Variants in ARFIP2 observed in about 807,000 individuals in gnomAD.
The protein encoded by ARFIP2 is arfaptin-2.
A neutral mutation model predicts 39.2 loss-of-function variants in ARFIP2; 14 were observed. That is an observed-to-expected ratio of 0.36 (90% CI 0.24 to 0.56). The LOEUF is 0.56. ARFIP2 is among the 20% of genes least tolerant of loss of function. ARFIP2 has a pLI of 0.85. For synonymous variants in ARFIP2, 167 were observed against 172.4 expected, an observed-to-expected ratio of 0.97 and a Z score of 0.24; for missense variants, 305 against 422.5, an observed-to-expected ratio of 0.72 and a Z score of 2.44.
chr11:6,477,407 A>AG lies in ARFIP2; in HGVS notation c.871-140dup. On this transcript the variant is annotated intron_variant, in intron 7 of 7. Coordinates refer to ENST00000396777, the MANE Select transcript of ARFIP2 (RefSeq NM_001376558.2). The surrounding 1 kb of genome is among the most constrained non-coding windows in gnomAD (Gnocchi z 4.8). ...TTGGGGTAGGGGCTGAACTCTACCC[A>AG]GGGAGTCAAAGGAGAAGGGTCAGTA... 9.8e-7 allele frequency: 1 copy of AG among 1,017,640 alleles called. No individual in the cohort carries two copies. The highest frequency in any genetic ancestry group is 1.4e-6 in the Non-Finnish European group (1 of 715,206). The allele number at this position is 1,017,640 out of a possible 1,614,324, so 63.0% of individuals were successfully genotyped here. A position where few individuals can be genotyped will look rare whatever the true frequency, so the allele number is the denominator to read the frequency against.
Position 6,478,182 on chromosome 11 carries a change from T to C in ARFIP2, c.554A>G (p.Asn185Ser), listed in dbSNP as rs754427461. 1 of 1,614,056 alleles carries C rather than the reference T, an allele frequency of 6.2e-7. No individual in the cohort carries two copies. Among genetic ancestry groups the C allele is most frequent in the Non-Finnish European group, 8.5e-7 (1 of 1,179,978 alleles). ...GCATAGTAGTTTCTGTGTCTCTGCA[T>C]TGTAGCCAAATTCCTCCTGAGGGCA... Reference protein sequence around the residue: ...SPELQEEFGYNAETQKLLCKN... With the variant: ...SPELQEEFGYSAETQKLLCKN... Residue 185 changes from asparagine to serine, a missense_variant, in exon 6 of 8, where the codon AAT (asparagine) becomes AGT (serine). Transcript: ENST00000396777. This position sits in a 1 kb window ranked among gnomAD's most constrained non-coding sequence, Gnocchi z 4.8.
In ARFIP2 at chr11:6,481,232, T is replaced by A. The variant is rs1249353326; in HGVS notation, c.-44A>T. 2 of 581,812 alleles carry A rather than the reference T, an allele frequency of 3.4e-6. No homozygotes were observed. The highest frequency in any genetic ancestry group is 6.1e-6 in the Non-Finnish European group (2 of 327,852). 36.0% of individuals were successfully genotyped at this position (581,812 alleles called of 1,614,324 possible). On this transcript the variant is annotated splice_region_variant and 5_prime_UTR_variant, in exon 1 of 8. Coordinates refer to ENST00000396777, the MANE Select transcript of ARFIP2 (RefSeq NM_001376558.2). ...GTCGCCCAAGCATGTTCCTCTCACC[T>A]CGGGCCGGGCCGCTCTTCCCCTCAG...
Position 6,477,347 on chromosome 11 carries a change from A to G in ARFIP2, c.871-79T>C. On this transcript the variant is annotated intron_variant, in intron 7 of 7. Coordinates refer to ENST00000396777, the MANE Select transcript of ARFIP2 (RefSeq NM_001376558.2). This position sits in a 1 kb window ranked among gnomAD's most constrained non-coding sequence, Gnocchi z 4.8. ...TCTATGAGCCTGAGCCCAGGCACAGACCAGGGGCACAAGGACTCTGCTCTG... is the reference window on the plus strand; with the variant it reads ...TCTATGAGCCTGAGCCCAGGCACAGGCCAGGGGCACAAGGACTCTGCTCTG... 2 of 1,498,766 alleles carry G rather than the reference A, an allele frequency of 1.3e-6. No homozygotes were observed. The highest frequency in any genetic ancestry group is 1.8e-6 in the Non-Finnish European group (2 of 1,113,798). The allele number at this position is 1,498,766 out of a possible 1,614,324, so 92.8% of individuals were successfully genotyped here.
rs1231585397 is a variant in ARFIP2 at position 6,478,327 on chromosome 11, C to T, written c.538-129G>A. 8.2e-7 allele frequency: 1 copy of T among 1,219,396 alleles called. No individual in the cohort carries two copies. The highest frequency in any genetic ancestry group is 1.2e-6 in the Non-Finnish European group (1 of 866,406). The allele number at this position is 1,219,396 out of a possible 1,614,324, so 75.5% of individuals were successfully genotyped here. A position where few individuals can be genotyped will look rare whatever the true frequency, so the allele number is the denominator to read the frequency against. The stretch of plus-strand genomic sequence containing the variant: ...AACTGGAACAACCAAGGACTGCCTC[C>T]AGCAAGGCTCTCTTAGCCGGAAAGT... On this transcript the variant is annotated intron_variant, in intron 5 of 7. Transcript: ENST00000396777. The surrounding 1 kb of genome is among the most constrained non-coding windows in gnomAD (Gnocchi z 4.8).
At position 6,477,230 on chromosome 11, in the gene ARFIP2, A is replaced by C; in HGVS notation, c.909T>G (p.Asn303Lys). Residue 303 changes from asparagine to lysine, a missense_variant, in exon 8 of 8, where the codon AAT (asparagine) becomes AAG (lysine). Physicochemically the swap from Asn to Lys is moderately conservative, Grantham distance 94. Transcript: ENST00000396777. The surrounding 1 kb of genome is among the most constrained non-coding windows in gnomAD (Gnocchi z 4.8). ...TCCCAGCAAAGTAGGCGGACACAGC[A>C]TTGTGGAAGAGCAGCAGCTGCTTGT... ...VMHKQLLLFH[N>K]AVSAYFAGNQ... 6.2e-7 allele frequency: 1 copy of C among 1,613,702 alleles called. No homozygotes were observed. The highest frequency in any genetic ancestry group is 1.1e-5 in the South Asian group (1 of 90,904).
Position 6,480,081 on chromosome 11 carries a change from G to A in ARFIP2, c.100-13C>T. ...CCTGCTGGAGGTCCTATAGGCCAGA[G>A]AAGAGGGGTTGCTTCAGGAACATAG... is the stretch of plus-strand genomic sequence containing the variant. On this transcript the variant is annotated splice_polypyrimidine_tract_variant and intron_variant, in intron 2 of 7. Coordinates refer to ENST00000396777, the MANE Select transcript of ARFIP2 (RefSeq NM_001376558.2). 1 of 1,609,010 alleles carries A rather than the reference G, an allele frequency of 6.2e-7. No homozygotes were observed.
At chr11:6,479,768 T>C (rs1851519124) in intron 3 of ARFIP2, 1 of 592,966 alleles carries the variant, frequency 1.7e-6, no homozygotes, top group Admixed American at 3.3e-5. Flanking sequence ...AAATGAGCCA[T>C]TTCAGGGGCT....
At chr11:6,479,807 C>T (rs987312446) in intron 3 of ARFIP2, 165 bp downstream of exon 3, 21 of 686,960 alleles carry the variant, frequency 3.1e-5, no homozygotes, top group Non-Finnish European at 4.3e-5. Flanking sequence ...GGATGGACAA[C>T]GCTGGGAGTT....
At position 6,477,800 on chromosome 11, in the gene ARFIP2, G is replaced by A; in HGVS notation, c.788C>T (p.Ala263Val). The change falls in exon 7 of 8, where the codon GCC (alanine) becomes GTC (valine). Residue 263 changes from alanine to valine, a missense_variant. By Grantham distance (64) the Ala-to-Val change is moderately conservative. Around this residue, in one of 3 missense-constraint regions of ARFIP2, gnomAD observed 112 missense variants for 118.2 expected, o/e 0.95. Coordinates refer to ENST00000396777, the MANE Select transcript of ARFIP2 (RefSeq NM_001376558.2). This position sits in a 1 kb window ranked among gnomAD's most constrained non-coding sequence, Gnocchi z 4.8. ...CTTGTCCCGATGGGCCTGGAAAGTG[G>A]CCTGGGCACTCTCAAGTCGACCACG... Reference protein sequence around the residue: ...GTRGRLESAQATFQAHRDKYE... With the variant: ...GTRGRLESAQVTFQAHRDKYE... The A allele has an allele frequency of 6.2e-7, 1 of 1,613,980 alleles. No homozygotes were observed. The highest frequency in any genetic ancestry group is 8.5e-7 in the Non-Finnish European group (1 of 1,179,980).
rs1851189272 is a variant in ARFIP2, at chr11:6,477,333, G to A, written c.871-65C>T. On this transcript the variant is annotated intron_variant, in intron 7 of 7. Coordinates refer to ENST00000396777, the MANE Select transcript of ARFIP2 (RefSeq NM_001376558.2). This position sits in a 1 kb window ranked among gnomAD's most constrained non-coding sequence, Gnocchi z 4.8. Reference sequence around the variant, plus strand: ...GCCCTTCTTGAGGGTCTATGAGCCTGAGCCCAGGCACAGACCAGGGGCACA... The same window carrying A: ...GCCCTTCTTGAGGGTCTATGAGCCTAAGCCCAGGCACAGACCAGGGGCACA... 3 of 1,551,064 alleles carry A rather than the reference G, an allele frequency of 1.9e-6. No homozygotes were observed. The highest frequency in any genetic ancestry group is 2.6e-6 in the Non-Finnish European group (3 of 1,147,076).
Position 6,481,269 on chromosome 11 carries a change from C to A in ARFIP2, c.-81G>T. On this transcript the variant is annotated 5_prime_UTR_variant, in exon 1 of 8. Coordinates refer to ENST00000396777, the MANE Select transcript of ARFIP2 (RefSeq NM_001376558.2). Reference sequence around the variant, plus strand: ...GCTCTTCCCCTCAGGGCGCCAGGCCCGGGCCGCGCGGGGACCTCGGGCTCC... The same window carrying A: ...GCTCTTCCCCTCAGGGCGCCAGGCCAGGGCCGCGCGGGGACCTCGGGCTCC... 1 of 620,784 alleles carries A rather than the reference C, an allele frequency of 1.6e-6. No individual in the cohort carries two copies. The highest frequency in any genetic ancestry group is 2.8e-6 in the Non-Finnish European group (1 of 357,450). 38.5% of individuals were successfully genotyped at this position (620,784 alleles called of 1,614,324 possible).
rs969182702 is a variant in ARFIP2 at position 6,476,979 on chromosome 11, T to C, written c.*134A>G. 2 of 1,071,728 alleles carry C rather than the reference T, an allele frequency of 1.9e-6. No homozygotes were observed. The highest frequency in any genetic ancestry group is 1.6e-5 in the African/African-American group (1 of 62,548). The allele number at this position is 1,071,728 out of a possible 1,614,324, so 66.4% of individuals were successfully genotyped here. On this transcript the variant is annotated 3_prime_UTR_variant, in exon 8 of 8. Transcript: ENST00000396777. ...ACCATAGCAATGTGGGCAAAACTGG[T>C]GTCAGGCCCCAGCCAGAAAAAGGAG...
At chr11:6,481,138 T>G in intron 1 of ARFIP2, 93 bp downstream of exon 1, 6 of 382,550 alleles carry the variant, frequency 1.6e-5, no homozygotes, top group Non-Finnish European at 2.4e-5. Context: ...GGACATCAGG[T>G]GTGTCCTCAT....
Position 6,478,260 on chromosome 11 carries a change from G to A in ARFIP2, c.538-62C>T, listed in dbSNP as rs550690993. ...CTCCCTACCTGACTGAAGCTGTAGAGCCCTTCATTCCCCTCCTCCCCGGGG... is the reference window on the plus strand; with the variant it reads ...CTCCCTACCTGACTGAAGCTGTAGAACCCTTCATTCCCCTCCTCCCCGGGG... On this transcript the variant is annotated intron_variant, in intron 5 of 7. Transcript: ENST00000396777. The surrounding 1 kb of genome is among the most constrained non-coding windows in gnomAD (Gnocchi z 4.8). 447 of 1,586,376 alleles carry A rather than the reference G, an allele frequency of 2.8e-4. No homozygotes were observed. Among genetic ancestry groups the A allele is most frequent in the Non-Finnish European group, 3.7e-4 (432 of 1,158,848 alleles).
At chr11:6,480,212 T>C in intron 2 of ARFIP2, 111 bp downstream of exon 2, 1 of 1,289,256 alleles carries the variant, frequency 7.8e-7, no homozygotes, top group South Asian at 1.2e-5. Flanking sequence ...GTAAAAAGAA[T>C]GAAGGGAGTC....
rs1456779149 is a variant in ARFIP2, at chr11:6,478,804, C to T, written c.471G>A (p.Leu157=). Residue 157 remains leucine (L), a synonymous_variant, in exon 5 of 8, where the codon CTG becomes CTA. Transcript: ENST00000396777. This position sits in a 1 kb window ranked among gnomAD's most constrained non-coding sequence, Gnocchi z 4.8. The part of the protein sequence containing the change: ...GRALTAHLYS[L]LQTQHALGDA... ...CACCCAGTGCATGCTGGGTCTGCAG[C>T]AGGCTGTAGAGGTGGGCTGTCAGTG... The T allele has an allele frequency of 3.1e-6, 5 of 1,614,026 alleles. No individual in the cohort carries two copies. The highest frequency in any genetic ancestry group is 4.2e-6 in the Non-Finnish European group (5 of 1,179,996).
rs955116813 is a variant in ARFIP2, at chr11:6,478,546, C to A, written c.537+192G>T. 2.1e-6 allele frequency: 3 copies of A among 1,431,258 alleles called. No individual in the cohort carries two copies. Among genetic ancestry groups the A allele is most frequent in the African/African-American group, 1.4e-5 (1 of 69,512 alleles). The allele number at this position is 1,431,258 out of a possible 1,614,324, so 88.7% of individuals were successfully genotyped here. The stretch of plus-strand genomic sequence containing the variant: ...GAGGCACCTAGTGTGCCCCCTCCCC[C>A]ACCCCCTCCAACTTCTGGACCTCTG... On this transcript the variant is annotated intron_variant, in intron 5 of 7. Coordinates refer to ENST00000396777, the MANE Select transcript of ARFIP2 (RefSeq NM_001376558.2). This position sits in a 1 kb window ranked among gnomAD's most constrained non-coding sequence, Gnocchi z 4.8.
At position 6,477,266 on chromosome 11, in the gene ARFIP2, G is replaced by A. The variant is rs1851179381; in HGVS notation, c.873C>T (p.Ile291=). 13 of 1,612,674 alleles carry A rather than the reference G, an allele frequency of 8.1e-6. 1 individual carries two copies. The East Asian group carries it at 2.9e-4, about 36-fold the overall frequency. The change falls in exon 8 of 8, where the codon ATC becomes ATT. Residue 291 remains isoleucine (I), a splice_region_variant and synonymous_variant. Transcript: ENST00000396777. The surrounding 1 kb of genome is among the most constrained non-coding windows in gnomAD (Gnocchi z 4.8). ...IKLKFLEENK[I]KVMHKQLLLF... ...GCAGCAGCTGCTTGTGCATCACCTTGATCTGGGGGTCCAGCAGGGTCAGCT... is the reference window on the plus strand; with the variant it reads ...GCAGCAGCTGCTTGTGCATCACCTTAATCTGGGGGTCCAGCAGGGTCAGCT...
Position 6,477,076 on chromosome 11 carries a change from A to T in ARFIP2, c.*37T>A. 1.9e-6 allele frequency: 3 copies of T among 1,586,650 alleles called. No homozygotes were observed. The highest frequency in any genetic ancestry group is 2.6e-6 in the Non-Finnish European group (3 of 1,162,516). On this transcript the variant is annotated 3_prime_UTR_variant, in exon 8 of 8. Coordinates refer to ENST00000396777, the MANE Select transcript of ARFIP2 (RefSeq NM_001376558.2). This position sits in a 1 kb window ranked among gnomAD's most constrained non-coding sequence, Gnocchi z 4.8. ...CCACACCCTGGGGCTGCCCTTCCCA[A>T]TGTCTTTCTTGATAGCCAAGTTGGG... is the stretch of plus-strand genomic sequence containing the variant.
Sources: gnomAD v4.1 joint callset for allele counts on GRCh38, gnomAD v4.1.1 for gene constraint, gnomAD v4.1.1 regional missense constraint, Gnocchi (gnomAD v3.1) non-coding constraint, MANE v1.5 for transcripts, NCBI Gene and HGNC (gene_info 2026-07-23, HGNC 2026-07-21) for gene names.